Variants in DCBLD1 observed in about 807,000 individuals in gnomAD.
The protein encoded by DCBLD1 is discoidin, CUB and LCCL domain-containing protein 1.
Under a neutral mutation model 71.5 loss-of-function variants are expected in DCBLD1, and 57 were observed. That is an observed-to-expected ratio of 0.80 (90% CI 0.64 to 0.99). The LOEUF (loss-of-function observed/expected upper bound fraction) is 0.99, where lower values mean the gene tolerates loss of function less well. Among genes scored for constraint, DCBLD1 ranks in the 50% least tolerant of loss-of-function variants. The pLI is 0.00. For synonymous variants in DCBLD1, 380 were observed against 363.8 expected, an observed-to-expected ratio of 1.04 and a Z score of -0.51; for missense variants, 891 against 923.5, an observed-to-expected ratio of 0.96 and a Z score of 0.46.
chr6:117,525,831 T>C (rs1406760756), intron 5 of DCBLD1, among the ~76,000 whole-genome samples: 1 of 152,196 alleles, frequency 6.6e-6, no homozygotes, highest in African/African-American at 2.4e-5. Flanking sequence ...AGTGAAGCCA[T>C]CCACCCTGCT....
chr6:117,520,953 A>G (rs886400528), intron 3 of DCBLD1, among the ~76,000 whole-genome samples: 1 of 152,266 alleles, frequency 6.6e-6, no homozygotes, highest in African/African-American at 2.4e-5. Context: ...AAATGCATCA[A>G]GGTCCACTGT....
At chr6:117,532,149 T>C in intron 5 of DCBLD1, 111 bp from the exon 6 acceptor site, 1 of 1,457,404 alleles carries the variant, frequency 6.9e-7, no homozygotes, top group South Asian at 1.5e-5. Flanking sequence ...TTGGAAGGCT[T>C]TATTCATTGG....
At chr6:117,567,824 T>C (rs932835253) in intron 14 of DCBLD1, among the ~76,000 whole-genome samples, 7 of 152,014 alleles carry the variant, frequency 4.6e-5, no homozygotes, top group Non-Finnish European at 1.0e-4. Context: ...AAGTCCTTAA[T>C]CTTTATATTA....
At chr6:117,493,639 T>G (rs1386554239) in intron 1 of DCBLD1, among the ~76,000 whole-genome samples, 1 of 152,184 alleles carries the variant, frequency 6.6e-6, no homozygotes, top group Non-Finnish European at 1.5e-5. Context: ...GTCTTAAATA[T>G]CGCTACCTCA....
intron 2 of DCBLD1, 85 bp downstream of exon 2, chr6:117,504,064 T>C: frequency 7.2e-7 from 1 of 1,391,882 alleles, no homozygotes; most frequent in Non-Finnish European, 9.9e-7. Context: ...ATTAACGCTA[T>C]ATCATGAGAA....
intron 1 of DCBLD1, among the ~76,000 whole-genome samples, chr6:117,499,240 C>CCAAAA: frequency 9.2e-6 from 1 of 108,740 alleles, no homozygotes; most frequent in Non-Finnish European, 1.7e-5. Flanking sequence ...CCATCTCTAC[C>CCAAAA]AAAAAAAAAA....
At position 117,547,972 on chromosome 6, in the gene DCBLD1, A is replaced by C. The variant is rs1381890586; in HGVS notation, c.1681A>C (p.Met561Leu). 1 of 1,550,570 alleles carries C rather than the reference A, an allele frequency of 6.4e-7. No individual in the cohort carries two copies. The highest frequency in any genetic ancestry group is 8.7e-7 in the Non-Finnish European group (1 of 1,146,966). Residue 561 changes from methionine (M) to leucine (L), a missense_variant, in exon 15 of 15, where the codon ATG (methionine) becomes CTG (leucine). Coordinates refer to ENST00000338728, the MANE Select transcript of DCBLD1 (RefSeq NM_001366458.2). ...GAGGAAGGGCTCCACCTTCCGGCCC[A>C]TGGACACGGATGCCGAGGAGGCAGG... The part of the protein sequence containing the change: ...VTRKGSTFRP[M>L]DTDAEEAGVS...
chr6:117,501,366 C>T (rs766392878), intron 1 of DCBLD1, among the ~76,000 whole-genome samples: 1 of 152,102 alleles, frequency 6.6e-6, no homozygotes, highest in Non-Finnish European at 1.5e-5. Context: ...GACGGAATCT[C>T]ACTCTTGCCC....
At chr6:117,550,740 C>T (rs1467370795), downstream of DCBLD1, among the ~76,000 whole-genome samples, 2 of 152,142 alleles carry the variant, frequency 1.3e-5, no homozygotes, top group Non-Finnish European at 2.9e-5. Context: ...GAGACCTTTC[C>T]CCACTCTGAC....
chr6:117,537,110 C>CT, intron 6 of DCBLD1, 75 bp from the exon 7 acceptor site: 1 of 1,487,110 alleles, frequency 6.7e-7, no homozygotes, highest in South Asian at 1.1e-5. Flanking sequence ...TCTGTGAGCC[C>CT]TGGGATGTAG....
intron 13 of DCBLD1, 149 bp downstream of exon 13, chr6:117,544,726 A>G (rs1400470078): frequency 9.9e-6 from 7 of 705,056 alleles, no homozygotes; most frequent in African/African-American, 1.8e-5. Context: ...TCTATAAGGA[A>G]GAAATTTATT....
intron 14 of DCBLD1, among the ~76,000 whole-genome samples, chr6:117,556,005 C>T (rs1362732425): frequency 6.6e-6 from 1 of 152,120 alleles, no homozygotes; most frequent in Non-Finnish European, 1.5e-5. Context: ...TATTGATCTT[C>T]ACAGGAGTAT....
intron 3 of DCBLD1, among the ~76,000 whole-genome samples, chr6:117,520,466 C>G (rs1778349688): frequency 6.6e-6 from 1 of 152,174 alleles, no homozygotes; most frequent in Non-Finnish European, 1.5e-5. Context: ...TCACTATTCT[C>G]TGGAGCCCTC....
intron 1 of DCBLD1, among the ~76,000 whole-genome samples, chr6:117,489,922 C>T (rs2114366863): frequency 6.6e-6 from 1 of 152,310 alleles, no homozygotes; most frequent in African/African-American, 2.4e-5. Flanking sequence ...TTGGAGCTTT[C>T]TTCCCTACTT....
At chr6:117,496,529 C>G (rs892129831) in intron 1 of DCBLD1, among the ~76,000 whole-genome samples, 1 of 152,172 alleles carries the variant, frequency 6.6e-6, no homozygotes, top group African/African-American at 2.4e-5. Flanking sequence ...TAATTGCAAG[C>G]TCTCCTTTGT....
chr6:117,549,128 A>G lies in DCBLD1; in HGVS notation c.*689A>G, dbSNP rs763559626. 38 of 985,630 alleles carry G rather than the reference A, an allele frequency of 3.9e-5. No individual in the cohort carries two copies. The highest frequency in any genetic ancestry group is 3.5e-5 in the African/African-American group (2 of 57,252). 61.1% of individuals were successfully genotyped at this position (985,630 alleles called of 1,614,324 possible). On this transcript the variant is annotated 3_prime_UTR_variant, in exon 15 of 15. Coordinates refer to ENST00000338728, the MANE Select transcript of DCBLD1 (RefSeq NM_001366458.2). ...TGCCCGTTTCCTTAGTCTCCACTTC[A>G]GAGGGGGATGCGAAGAGGTCGGCCC...
intron 14 of DCBLD1, chr6:117,560,178 AAC>A (rs1453612382): frequency 1.2e-5 from 2 of 160,872 alleles, no homozygotes; most frequent in Non-Finnish European, 2.7e-5. Flanking sequence ...CAATATTTAT[AAC>A]ACAAAATTAA....
intron 14 of DCBLD1, among the ~76,000 whole-genome samples, chr6:117,558,582 A>T (rs1779526304): frequency 6.6e-6 from 1 of 152,250 alleles, no homozygotes; most frequent in African/African-American, 2.4e-5. Context: ...TACAGAGAAT[A>T]TAAAGCAAAA....
chr6:117,515,964 C>T (rs1778182752), intron 2 of DCBLD1, among the ~76,000 whole-genome samples: 1 of 152,122 alleles, frequency 6.6e-6, no homozygotes, highest in Admixed American at 6.5e-5. Context: ...GGAACACAGT[C>T]TGAAGAGAAA....
Sources: allele counts gnomAD v4.1 joint callset (sites outside exome capture counted in the v4.1 genomes callset), GRCh38; gene constraint gnomAD v4.1.1; transcripts MANE v1.5; gene names NCBI Gene and HGNC (gene_info 2026-07-23, HGNC 2026-07-21).